The following BUB1 variants were observed in gnomAD, a reference collection of about 807,000 sequenced individuals.
BUB1 encodes the protein mitotic checkpoint serine/threonine-protein kinase BUB1.
A neutral mutation model predicts 135.2 loss-of-function variants in BUB1; 84 were observed. The ratio of observed to expected loss-of-function variants is 0.62; its 90% confidence interval spans 0.52 to 0.74. BUB1 has a LOEUF of 0.74. Among genes scored for constraint, BUB1 ranks in the 30% least tolerant of loss-of-function variants. The probability of loss-of-function intolerance (pLI) is 0.00; values close to 1 mark genes in which losing one functional copy is unlikely to be tolerated. For synonymous variants in BUB1, 403 were observed against 434.4 expected, an observed-to-expected ratio of 0.93 and a Z score of 0.90; for missense variants, 1,162 against 1,288.3, an observed-to-expected ratio of 0.90 and a Z score of 1.50.
At chr2:110,667,943 G>A (rs1360400351) in intron 6 of BUB1, 94 bp from the exon 7 acceptor site, 1 of 1,167,890 alleles carries the variant, frequency 8.6e-7, no homozygotes, top group African/African-American at 1.6e-5. Flanking sequence ...TGCTTGAGGG[G>A]AAGAGGGACC....
At chr2:110,670,133 T>G (rs1189066786) in intron 5 of BUB1, among the ~76,000 whole-genome samples, 1 of 141,018 alleles carries the variant, frequency 7.1e-6, no homozygotes, top group East Asian at 2.0e-4. Flanking sequence ...TGGGTTTTTT[T>G]TTTTTTTTTT....
chr2:110,639,488 T>G (rs1689445197), intron 24 of BUB1, among the ~76,000 whole-genome samples: 1 of 151,876 alleles, frequency 6.6e-6, no homozygotes, highest in Non-Finnish European at 1.5e-5. Context: ...AACATTTGCG[T>G]GTGTACAGGA....
rs568615932 is a variant in BUB1, at chr2:110,666,520, T to A, written c.806-106A>T. On this transcript the variant is annotated intron_variant, in intron 8 of 24. Coordinates refer to ENST00000302759, the MANE Select transcript of BUB1 (RefSeq NM_004336.5). ...TTATATTTTAGGGGGCCGATTTTTTTATTAGTCTTTCTCATATTTGGTTTT... is the reference window on the plus strand; with the variant it reads ...TTATATTTTAGGGGGCCGATTTTTTAATTAGTCTTTCTCATATTTGGTTTT... 6.3e-5 allele frequency: 54 copies of A among 858,564 alleles called. No individual in the cohort carries two copies. The Middle Eastern group carries it at 1.2e-3, about 19-fold the overall frequency. 53.2% of individuals were successfully genotyped at this position (858,564 alleles called of 1,614,324 possible). A position where few individuals can be genotyped will look rare whatever the true frequency, so the allele number is the denominator to read the frequency against.
chr2:110,663,960 C>T (rs1031682832), intron 9 of BUB1, among the ~76,000 whole-genome samples: 3 of 145,496 alleles, frequency 2.1e-5, no homozygotes, highest in East Asian at 2.1e-4. Context: ...ACCCGGGAGG[C>T]GGAGCTTGCA....
intron 16 of BUB1, among the ~76,000 whole-genome samples, chr2:110,653,876 G>A (rs546584263): frequency 6.6e-6 from 1 of 152,078 alleles, no homozygotes; most frequent in African/African-American, 2.4e-5. Flanking sequence ...GTGGTGGTAG[G>A]AGCCTGTAGC....
Position 110,649,855 on chromosome 2 carries a change from A to G in BUB1, c.2204-478T>C, listed in dbSNP as rs567044990. Among the ~76,000 whole-genome samples the G allele has an allele frequency of 4.0e-4, 61 of 152,368 alleles. 1 individual carries two copies. Among genetic ancestry groups the G allele is most frequent in the East Asian group, 3.3e-3 (17 of 5,192 alleles). On this transcript the variant is annotated intron_variant, in intron 18 of 24. Coordinates refer to ENST00000302759, the MANE Select transcript of BUB1 (RefSeq NM_004336.5). ...GGTCCACAAAAGAGAAATAATTTCT[A>G]AAAGTAAGAAAAAGCTTTCTCTCCA...
rs777886671 is a variant in BUB1, at chr2:110,637,943, A to G, written c.*21T>C. 1.5e-6 allele frequency: 2 copies of G among 1,372,348 alleles called. No homozygotes were observed. The highest frequency in any genetic ancestry group is 5.6e-5 in the Admixed American group (2 of 35,536). 85.0% of individuals were successfully genotyped at this position (1,372,348 alleles called of 1,614,324 possible). ...ATTCATATTTACAGTGTGATTTTTA[A>G]GGACTGTCTATATCCAAATTTTATT... On this transcript the variant is annotated 3_prime_UTR_variant, in exon 25 of 25. Transcript: ENST00000302759.
At chr2:110,669,909 T>C (rs1008761260) in intron 5 of BUB1, among the ~76,000 whole-genome samples, 4 of 152,090 alleles carry the variant, frequency 2.6e-5, no homozygotes, top group Non-Finnish European at 5.9e-5. Flanking sequence ...CCATTCAAAA[T>C]AGATGGAGTC....
intron 19 of BUB1, 109 bp downstream of exon 19, chr2:110,649,125 G>A: frequency 9.4e-7 from 1 of 1,061,988 alleles, no homozygotes; most frequent in Non-Finnish European, 1.3e-6. Context: ...CCCTATTGGA[G>A]GTTGGGGGGC....
chr2:110,650,659 G>A lies in BUB1; in HGVS notation c.2090C>T (p.Ala697Val), dbSNP rs1429381019. Residue 697 changes from alanine (A) to valine (V), a missense_variant, in exon 18 of 25, where the codon GCT (alanine) becomes GTT (valine). Transcript: ENST00000302759. ...LTCEAELGVE[A>V]CRLTDTDAAI... ...AGCGTCAGTGTCTGTGAGTCTGCAA[G>A]CCTCAACGCCCAACTCTGCCTCACA... The A allele has an allele frequency of 1.2e-6, 2 of 1,613,992 alleles. No individual in the cohort carries two copies. Among genetic ancestry groups the A allele is most frequent in the Non-Finnish European group, 1.7e-6 (2 of 1,179,978 alleles).
rs369615437 is a variant in BUB1, at chr2:110,667,566, A to G, written c.760T>C (p.Leu254=). 122 of 1,613,870 alleles carry G rather than the reference A, an allele frequency of 7.6e-5. No homozygotes were observed. The highest frequency in any genetic ancestry group is 9.2e-5 in the Non-Finnish European group (109 of 1,179,972). The change falls in exon 8 of 25, where the codon TTG becomes CTG. Residue 254 remains leucine, a synonymous_variant. Transcript: ENST00000302759. ...RGESEFSFEE[L]RAQKYNQRRK... is the part of the protein sequence containing the mutation. ...CGTTGATTGTATTTCTGGGCTCTCA[A>G]TTCTTCAAAGGAAAATTCTGATTCC...
chr2:110,649,282 A>T lies in BUB1; in HGVS notation c.2299T>A (p.Trp767Arg). 2 of 1,612,870 alleles carry T rather than the reference A, an allele frequency of 1.2e-6. No homozygotes were observed. The highest frequency in any genetic ancestry group is 1.7e-6 in the Non-Finnish European group (2 of 1,179,432). ...PVSSYPNTFE[W>R]QCKLPAIKPK... ...TTGATGGCTGGAAGTTTACATTGCC[A>T]TTCAAAAGTATTTGGATAGGAACTC... The change falls in exon 19 of 25, where the codon TGG becomes AGG. Residue 767 changes from tryptophan to arginine, a missense_variant. Trp to Arg is a moderately radical substitution (Grantham distance 101). Transcript: ENST00000302759.
At chr2:110,640,989 G>A (rs751187708) in intron 23 of BUB1, 45 bp downstream of exon 23, 71 of 1,503,420 alleles carry the variant, frequency 4.7e-5, no homozygotes, top group Admixed American at 1.6e-4. Context: ...TCTGATAAGC[G>A]CAACACAGAA....
At chr2:110,667,339 C>G (rs1180076303) in intron 8 of BUB1, among the ~76,000 whole-genome samples, 182 bp downstream of exon 8, 1 of 152,090 alleles carries the variant, frequency 6.6e-6, no homozygotes, top group Non-Finnish European at 1.5e-5. Flanking sequence ...GCTGCCAGCG[C>G]AGTTTTCTCG....
chr2:110,641,015 C>G lies in BUB1; in HGVS notation c.2955+19G>C. On this transcript the variant is annotated intron_variant, in intron 23 of 24. Coordinates refer to ENST00000302759, the MANE Select transcript of BUB1 (RefSeq NM_004336.5). ...CAACACAGAAAAATATTTCCAAGTC[C>G]CTCACTTTAGTTTTATACCTGGTAG... 1 of 1,527,390 alleles carries G rather than the reference C, an allele frequency of 6.5e-7. No homozygotes were observed. Among genetic ancestry groups the G allele is most frequent in the Non-Finnish European group, 8.8e-7 (1 of 1,139,788 alleles). 94.6% of individuals were successfully genotyped at this position (1,527,390 alleles called of 1,614,324 possible). A position where few individuals can be genotyped will look rare whatever the true frequency, so the allele number is the denominator to read the frequency against.
rs761914583 is a variant in BUB1 at position 110,650,571 on chromosome 2, A to G, written c.2178T>C (p.Ser726=). 3 of 1,613,694 alleles carry G rather than the reference A, an allele frequency of 1.9e-6. No individual in the cohort carries two copies. Among genetic ancestry groups the G allele is most frequent in the Non-Finnish European group, 2.5e-6 (3 of 1,179,886 alleles). ...AGLQAEWMQM[S]SLGTVDAPNF... Reference sequence around the variant, plus strand: ...TTGGAGCATCAACAGTCCCAAGTGAACTCATCTGCATCCATTCTGCTTGGA... The same window carrying G: ...TTGGAGCATCAACAGTCCCAAGTGAGCTCATCTGCATCCATTCTGCTTGGA... Residue 726 remains serine, a synonymous_variant, in exon 18 of 25, where the codon AGT becomes AGC. Transcript: ENST00000302759.
At chr2:110,661,401 G>C in intron 10 of BUB1, 181 bp downstream of exon 10, 1 of 676,856 alleles carries the variant, frequency 1.5e-6, no homozygotes, top group South Asian at 2.8e-5. Context: ...CATGGAATAA[G>C]TAAGCCTAAA....
chr2:110,655,876 G>A lies in BUB1; in HGVS notation c.1739C>T (p.Thr580Ile), dbSNP rs2104534426. ...PHAEEFLDDS[T>I]VWGIRCNKTL... Reference sequence around the variant, plus strand: ...TTTGTTGCAGCGAATACCCCATACAGTTGAGTCATCCAAAAACTCTTCAGC... The same window carrying A: ...TTTGTTGCAGCGAATACCCCATACAATTGAGTCATCCAAAAACTCTTCAGC... The change falls in exon 16 of 25, where the codon ACT (threonine) becomes ATT (isoleucine). Residue 580 changes from threonine to isoleucine, a missense_variant. By Grantham distance (89) the Thr-to-Ile change is moderately conservative. Coordinates refer to ENST00000302759, the MANE Select transcript of BUB1 (RefSeq NM_004336.5). 6.2e-7 allele frequency: 1 copy of A among 1,613,796 alleles called. No homozygotes were observed.
At chr2:110,641,269 T>C (rs1459244621) in intron 22 of BUB1, 38 bp downstream of exon 22, 6 of 1,587,110 alleles carry the variant, frequency 3.8e-6, no homozygotes, top group Non-Finnish European at 8.6e-7. Flanking sequence ...GCTATGGAAA[T>C]AGGAAGAGAA....
Sources: allele counts gnomAD v4.1 joint callset (sites outside exome capture counted in the v4.1 genomes callset), GRCh38; gene constraint gnomAD v4.1.1; transcripts MANE v1.5; gene names NCBI Gene and HGNC (gene_info 2026-07-23, HGNC 2026-07-21).